The following LIN28B variants were observed in gnomAD, a reference collection of about 807,000 sequenced individuals.
The protein encoded by LIN28B is lin-28 RNA binding posttranscriptional regulator B, also known as protein lin-28 homolog B.
LIN28B carries 5 observed loss-of-function variants against 21.9 expected under a neutral mutation model. The observed-to-expected ratio is 0.23, with a 90% CI of 0.12 to 0.48. LIN28B has a LOEUF of 0.48. Among genes scored for constraint, LIN28B ranks in the 20% least tolerant of loss-of-function variants. LIN28B has a pLI of 0.98. For synonymous variants in LIN28B, 109 were observed against 111.3 expected (o/e 0.98, Z 0.13); for missense variants, 245 against 310.5 (o/e 0.79, Z 1.58).
chr6:104,963,093 G>T (rs1278268369), intron 2 of LIN28B, among the ~76,000 whole-genome samples: 1 of 152,076 alleles, frequency 6.6e-6, no homozygotes, highest in Non-Finnish European at 1.5e-5. Context: ...TGTCGCCCAG[G>T]TTGGAGTGCA....
chr6:105,044,967 G>C (rs909266169), intron 3 of LIN28B, among the ~76,000 whole-genome samples: 3 of 152,040 alleles, frequency 2.0e-5, no homozygotes, highest in Non-Finnish European at 4.4e-5. Context: ...AGGAGTTCGA[G>C]ACCAGCTCAG....
chr6:104,958,680 T>C (rs989972975), intron 2 of LIN28B, among the ~76,000 whole-genome samples: 5 of 152,160 alleles, frequency 3.3e-5, no homozygotes, highest in Non-Finnish European at 7.4e-5. Context: ...CGAAACAGTT[T>C]GCTGTGGAAA....
In LIN28B at chr6:105,078,574, G is replaced by A. The variant is rs1288622126; in HGVS notation, c.544G>A (p.Ala182Thr). The A allele has an allele frequency of 3.1e-6, 5 of 1,614,110 alleles. No homozygotes were observed. The highest frequency in any genetic ancestry group is 1.7e-5 in the Admixed American group (1 of 60,012). ...CGCGAGTTCTCAGGGAAGACAGGAA[G>A]CAGAATCCCAGCCATGCACTTCAAC... is the stretch of plus-strand genomic sequence containing the variant. ...PPASSQGRQE[A>T]ESQPCTSTLP... The change falls in exon 4 of 4, where the codon GCA becomes ACA. Residue 182 changes from alanine to threonine, a missense_variant. Coordinates refer to ENST00000345080, the MANE Select transcript of LIN28B (RefSeq NM_001004317.4).
chr6:104,988,285 G>T (rs1380268820), intron 2 of LIN28B, among the ~76,000 whole-genome samples: 3 of 152,026 alleles, frequency 2.0e-5, no homozygotes, highest in Non-Finnish European at 1.5e-5. Context: ...TGCCTTTTCT[G>T]CATGGATGGA....
upstream of LIN28B, among the ~76,000 whole-genome samples, chr6:104,955,771 G>T (rs1236659792): frequency 2.0e-5 from 3 of 151,554 alleles, no homozygotes; most frequent in Non-Finnish European, 4.4e-5. Flanking sequence ...TTAAGAAAAT[G>T]GGGGGTGGGG....
At chr6:105,035,957 G>C (rs1745900380) in intron 3 of LIN28B, among the ~76,000 whole-genome samples, 1 of 151,982 alleles carries the variant, frequency 6.6e-6, no homozygotes, top group South Asian at 2.1e-4. Flanking sequence ...TGACTTTTGG[G>C]AAAAAAATAG....
intron 3 of LIN28B, among the ~76,000 whole-genome samples, chr6:105,048,809 T>A (rs577715780): frequency 6.6e-6 from 1 of 152,158 alleles, no homozygotes; most frequent in Admixed American, 6.5e-5. Flanking sequence ...TGCAAAGAGG[T>A]GTTTATAGTC....
chr6:104,999,920 G>GA (rs1275099478), intron 2 of LIN28B, among the ~76,000 whole-genome samples: 1 of 152,150 alleles, frequency 6.6e-6, no homozygotes, highest in Non-Finnish European at 1.5e-5. Context: ...CCTTAGGTGT[G>GA]ATCCGCCTGC....
chr6:105,064,126 C>T (rs575801999), intron 3 of LIN28B, among the ~76,000 whole-genome samples: 1 of 152,128 alleles, frequency 6.6e-6, no homozygotes, highest in African/African-American at 2.4e-5. Flanking sequence ...TGTAGTGGCT[C>T]TGTGGTGCAT....
At chr6:104,992,830 C>T (rs1770520722) in intron 2 of LIN28B, among the ~76,000 whole-genome samples, 1 of 151,872 alleles carries the variant, frequency 6.6e-6, no homozygotes, top group African/African-American at 2.4e-5. Flanking sequence ...TTTTTTACTA[C>T]TCTTTCTTCT....
At position 104,967,353 on chromosome 6, in the gene LIN28B, G is replaced by A. The variant is rs536165691; in HGVS notation, c.198+9067G>A. ...CCAGCACTTTGGGAGGCTGAGGGGG[G>A]TGGATCACTTGAGGTCAGGAATTTG... On this transcript the variant is annotated intron_variant, in intron 2 of 3. Coordinates refer to ENST00000345080, the MANE Select transcript of LIN28B (RefSeq NM_001004317.4). 4.6e-5 allele frequency among the ~76,000 whole-genome samples: 7 copies of A among 151,784 alleles called. No homozygotes were observed. In the East Asian group the frequency reaches 1.2e-3, roughly 25 times the overall value.
chr6:104,952,974 G>T (rs928258373), upstream of LIN28B, among the ~76,000 whole-genome samples: 2 of 152,166 alleles, frequency 1.3e-5, no homozygotes, highest in Admixed American at 6.5e-5. Context: ...ATTCTGAAGT[G>T]CCTCTGCTGC....
At chr6:105,069,837 A>G (rs749831217) in intron 3 of LIN28B, among the ~76,000 whole-genome samples, 1 of 152,204 alleles carries the variant, frequency 6.6e-6, no homozygotes, top group Non-Finnish European at 1.5e-5. Flanking sequence ...CCTTCCAGGG[A>G]TCAGTGATGG....
intron 2 of LIN28B, among the ~76,000 whole-genome samples, chr6:104,997,795 C>T (rs1168541846): frequency 6.6e-6 from 1 of 152,182 alleles, no homozygotes; most frequent in Non-Finnish European, 1.5e-5. Flanking sequence ...CTAAGGCTGA[C>T]ACTTCCGGGT....
intron 3 of LIN28B, among the ~76,000 whole-genome samples, chr6:105,075,006 C>T (rs991741869): frequency 1.3e-5 from 2 of 152,160 alleles, no homozygotes; most frequent in Non-Finnish European, 2.9e-5. Flanking sequence ...CTGCACTTGG[C>T]CTATTTTATC....
At chr6:105,071,733 C>A (rs1259872627) in intron 3 of LIN28B, among the ~76,000 whole-genome samples, 2 of 152,180 alleles carry the variant, frequency 1.3e-5, no homozygotes, top group African/African-American at 2.4e-5. Flanking sequence ...ATAAATCATT[C>A]ATACTGCAGT....
intron 3 of LIN28B, among the ~76,000 whole-genome samples, chr6:105,044,862 A>G (rs160596): frequency 0.78 from 118,314 of 151,522 alleles, 46,955 homozygotes; most frequent in Non-Finnish European, 0.86. Context: ...TTAAAGTTGT[A>G]TTTCTAGTCA....
At chr6:105,038,484 A>G (rs890001820) in intron 3 of LIN28B, among the ~76,000 whole-genome samples, 1 of 152,186 alleles carries the variant, frequency 6.6e-6, no homozygotes, top group Non-Finnish European at 1.5e-5. Context: ...GAGAGAGAAC[A>G]GCTGGGACCT....
chr6:104,938,364 G>C (rs1049092646), intron 2 of LIN28B, among the ~76,000 whole-genome samples: 1 of 152,082 alleles, frequency 6.6e-6, no homozygotes, highest in Non-Finnish European at 1.5e-5. Flanking sequence ...CCAAGGTCAG[G>C]CATGGTGGAT....
Sources: allele counts gnomAD v4.1 joint callset (sites outside exome capture counted in the v4.1 genomes callset), GRCh38; gene constraint gnomAD v4.1.1; transcripts MANE v1.5; gene names NCBI Gene and HGNC (gene_info 2026-07-23, HGNC 2026-07-21).